FBLN1: variants seen among roughly 807,000 people sequenced by gnomAD.
FBLN1 encodes fibulin 1.
Under a neutral mutation model 89.7 loss-of-function variants are expected in FBLN1, and 34 were observed. The ratio of observed to expected loss-of-function variants is 0.38; its 90% CI spans 0.29 to 0.50. FBLN1 has a LOEUF of 0.50. Among genes scored for constraint, FBLN1 ranks in the 20% least tolerant of loss-of-function variants. The probability of loss-of-function intolerance (pLI) is 0.92; values close to 1 mark genes in which losing one functional copy is unlikely to be tolerated. For missense variants in FBLN1, 777 were observed against 988.1 expected, an observed-to-expected ratio of 0.79 and a Z score of 2.86; for synonymous variants, 393 against 391.3, an observed-to-expected ratio of 1.00 and a Z score of -0.05.
chr22:45,564,840 C>G (rs759162356), intron 14 of FBLN1: 2 of 1,612,036 alleles, frequency 1.2e-6, no homozygotes, highest in African/African-American at 2.7e-5. Context: ...GCTTATGTCA[C>G]TAGCATTTCT....
Position 45,576,933 on chromosome 22 carries a change from G to A in FBLN1, c.1841-44G>A, listed in dbSNP as rs747856008. ...GGGGACGAGGCTGGGACTGGGGCTG[G>A]GGCCAGGCTGTGCTGAGCCCTTCTC... On this transcript the variant is annotated intron_variant, in intron 15 of 16. Coordinates refer to ENST00000327858, the MANE Select transcript of FBLN1 (RefSeq NM_006486.3). This position sits in a 1 kb window ranked among gnomAD's most constrained non-coding sequence, Gnocchi z 5.2. The A allele has an allele frequency of 5.6e-6, 9 of 1,611,112 alleles. No homozygotes were observed. Among genetic ancestry groups the A allele is most frequent in the Non-Finnish European group, 4.2e-6 (5 of 1,179,870 alleles).
At position 45,570,372 on chromosome 22, in the gene FBLN1, GA is replaced by G. The variant is rs1172676478; in HGVS notation, c.1698-4132del. Among the ~76,000 whole-genome samples, 83 of 112,916 alleles carry G rather than the reference GA, an allele frequency of 7.4e-4. 1 individual carries two copies. Among genetic ancestry groups the G allele is most frequent in the African/African-American group, 2.6e-3 (79 of 30,966 alleles). 74.1% of individuals were successfully genotyped at this position (112,916 alleles called of 152,430 possible). On this transcript the variant is annotated intron_variant, in intron 14 of 16. Transcript: ENST00000327858. ...AAAGAAAAGAAAAAAAAAAGAAAAA[GA>G]AAAAAAGAAAGAAAGAAAGGAAAAT... is the stretch of plus-strand genomic sequence containing the variant.
chr22:45,560,055 C>T (rs1228986173), intron 14 of FBLN1, among the ~76,000 whole-genome samples: 1 of 152,168 alleles, frequency 6.6e-6, no homozygotes, highest in Non-Finnish European at 1.5e-5. Context: ...CAGTAGGCTT[C>T]CTATCAATTT....
At chr22:45,573,220 G>A (rs562145209) in intron 14 of FBLN1, among the ~76,000 whole-genome samples, 85 of 151,492 alleles carry the variant, frequency 5.6e-4, no homozygotes, top group Middle Eastern at 6.8e-3. Flanking sequence ...GCAAAACTCC[G>A]TCTCAAATAA....
chr22:45,516,239 A>G lies in FBLN1; in HGVS notation c.80-2443A>G, dbSNP rs1486459874. 2.0e-5 allele frequency among the ~76,000 whole-genome samples: 3 copies of G among 151,414 alleles called. No homozygotes were observed. The East Asian group carries it at 5.9e-4, about 30-fold the overall frequency. ...AGTGGGCCTGGCCAGAGAAGGGGTGAAGGGAGTGTGGGGACAGACATGGGA... is the reference window on the plus strand; with the variant it reads ...AGTGGGCCTGGCCAGAGAAGGGGTGGAGGGAGTGTGGGGACAGACATGGGA... On this transcript the variant is annotated intron_variant, in intron 1 of 16. Transcript: ENST00000327858.
chr22:45,535,275 G>T lies in FBLN1; in HGVS notation c.860G>T (p.Arg287Leu). 1 of 1,614,182 alleles carries T rather than the reference G, an allele frequency of 6.2e-7. No individual in the cohort carries two copies. The highest frequency in any genetic ancestry group is 2.2e-5 in the East Asian group (1 of 44,890). ...FICQNTLGSF[R>L]CRPKLQCKSG... ...TGTCAGAATACTCTGGGATCCTTCC[G>T]CTGCCGACCCAAGCTACAGTGCAAG... is the stretch of plus-strand genomic sequence containing the variant. Residue 287 changes from arginine (R) to leucine (L), a missense_variant, in exon 8 of 17, where the codon CGC (arginine) becomes CTC (leucine). Coordinates refer to ENST00000327858, the MANE Select transcript of FBLN1 (RefSeq NM_006486.3).
intron 14 of FBLN1, chr22:45,564,864 T>C: frequency 6.2e-7 from 1 of 1,613,464 alleles, no homozygotes; most frequent in Non-Finnish European, 8.5e-7. Flanking sequence ...GCTGTGACAC[T>C]GTGCTGACAC....
intron 14 of FBLN1, among the ~76,000 whole-genome samples, chr22:45,560,220 G>C (rs1045692572): frequency 6.6e-6 from 1 of 152,196 alleles, no homozygotes; most frequent in Admixed American, 6.5e-5. Flanking sequence ...TGCCACCTCA[G>C]GATCCAATTA....
chr22:45,516,099 A>T (rs543901830), intron 1 of FBLN1, among the ~76,000 whole-genome samples: 5 of 152,056 alleles, frequency 3.3e-5, no homozygotes, highest in African/African-American at 4.8e-5. Flanking sequence ...GGGGCACCCG[A>T]GCTATGCAGG....
rs2088241035 is a variant in FBLN1, at chr22:45,520,879, G to C, written c.185+2092G>C. Among the ~76,000 whole-genome samples the C allele has an allele frequency of 2.0e-5, 3 of 151,994 alleles. No individual in the cohort carries two copies. The South Asian group carries it at 6.2e-4, about 32-fold the overall frequency. Reference sequence around the variant, plus strand: ...TGCCCAGGCTGGGGTGCAGTATGTTGATCTTGGCTCACTGCAACCTCCGCC... The same window carrying C: ...TGCCCAGGCTGGGGTGCAGTATGTTCATCTTGGCTCACTGCAACCTCCGCC... On this transcript the variant is annotated intron_variant, in intron 2 of 16. Coordinates refer to ENST00000327858, the MANE Select transcript of FBLN1 (RefSeq NM_006486.3).
In FBLN1 at chr22:45,580,890, G is replaced by C. The variant is rs554865795; in HGVS notation, c.1972+3782G>C. Among the ~76,000 whole-genome samples, 10 of 152,364 alleles carry C rather than the reference G, an allele frequency of 6.6e-5. No individual in the cohort carries two copies. The South Asian group carries it at 2.1e-3, about 32-fold the overall frequency. On this transcript the variant is annotated intron_variant, in intron 16 of 16. Transcript: ENST00000327858. The surrounding 1 kb of genome is among the most constrained non-coding windows in gnomAD (Gnocchi z 8.6). ...ACCCGTTCTTAGCGGGGATCGAGGA[G>C]CCCGCAGCAGGGCCCGCGCCGTCGT...
intron 10 of FBLN1, among the ~76,000 whole-genome samples, chr22:45,543,079 C>A (rs2088578654): frequency 6.6e-6 from 1 of 152,096 alleles, no homozygotes; most frequent in Admixed American, 6.5e-5. Context: ...CCAGCCTGGC[C>A]AACATGACGA....
Position 45,535,217 on chromosome 22 carries a change from A to G in FBLN1, c.802A>G (p.Ser268Gly). ...TGTACCAGATATTGACGAGTGTGAGAGTGGTATTCATAACTGCCTCCCCGA... is the reference window on the plus strand; with the variant it reads ...TGTACCAGATATTGACGAGTGTGAGGGTGGTATTCATAACTGCCTCCCCGA... ...NSCKDIDECE[S>G]GIHNCLPDFI... The change falls in exon 8 of 17, where the codon AGT (serine) becomes GGT (glycine). Residue 268 changes from serine (S) to glycine (G), a missense_variant. Ser to Gly is a moderately conservative substitution (Grantham distance 56). Coordinates refer to ENST00000327858, the MANE Select transcript of FBLN1 (RefSeq NM_006486.3). 6.2e-7 allele frequency: 1 copy of G among 1,614,168 alleles called. No individual in the cohort carries two copies. Among genetic ancestry groups the G allele is most frequent in the Non-Finnish European group, 8.5e-7 (1 of 1,180,028 alleles).
chr22:45,506,425 T>C (rs1361357791), intron 1 of FBLN1, among the ~76,000 whole-genome samples: 1 of 152,218 alleles, frequency 6.6e-6, no homozygotes, highest in Non-Finnish European at 1.5e-5. Context: ...GACACTGCTC[T>C]ATAACTTGTG....
At chr22:45,596,605 C>T (rs6007100) in intron 16 of FBLN1, among the ~76,000 whole-genome samples, 43,302 of 147,914 alleles carry the variant, frequency 0.29, 9,210 homozygotes, top group African/African-American at 0.6. Context: ...AATATGATTA[C>T]TATATACATA....
chr22:45,517,540 G>A (rs2088185849), intron 1 of FBLN1: 4 of 470,670 alleles, frequency 8.5e-6, no homozygotes, highest in Admixed American at 4.7e-5. Context: ...GGTGTGGGCC[G>A]GCTGCTTGGA....
chr22:45,561,923 T>C lies in FBLN1; in HGVS notation c.1697+11308T>C, dbSNP rs1319646510. Among the ~76,000 whole-genome samples the C allele has an allele frequency of 6.6e-6, 1 of 152,136 alleles. No homozygotes were observed. The highest frequency in any genetic ancestry group is 1.5e-5 in the Non-Finnish European group (1 of 68,024). The stretch of plus-strand genomic sequence containing the variant: ...TGGGAGGCTAGGCCAGTCTCTCCTA[T>C]CACATTTTTCTGCCTGCTTATAGTC... On this transcript the variant is annotated intron_variant, in intron 14 of 16. Coordinates refer to ENST00000327858, the MANE Select transcript of FBLN1 (RefSeq NM_006486.3). The surrounding 1 kb of genome is among the most constrained non-coding windows in gnomAD (Gnocchi z 4.7).
At chr22:45,524,157 T>A (rs2146957612) in intron 2 of FBLN1, among the ~76,000 whole-genome samples, 1 of 151,980 alleles carries the variant, frequency 6.6e-6, no homozygotes, top group Admixed American at 6.6e-5. Flanking sequence ...CCAGGGAAGG[T>A]TGGGGGAAGG....
chr22:45,556,917 C>T lies in FBLN1; in HGVS notation c.1697+6302C>T, dbSNP rs2088795860. Among the ~76,000 whole-genome samples the T allele has an allele frequency of 6.6e-6, 1 of 152,108 alleles. No individual in the cohort carries two copies. Among genetic ancestry groups the T allele is most frequent in the Admixed American group, 6.6e-5 (1 of 15,262 alleles). ...ATGGTGAGTGGTGCCACTTCCATTTCCACCCTTGGATGCCTGGACCCGTGA... is the reference window on the plus strand; with the variant it reads ...ATGGTGAGTGGTGCCACTTCCATTTTCACCCTTGGATGCCTGGACCCGTGA... On this transcript the variant is annotated intron_variant, in intron 14 of 16. Transcript: ENST00000327858. The surrounding 1 kb of genome is among the most constrained non-coding windows in gnomAD (Gnocchi z 4.6).
Sources: allele counts gnomAD v4.1 joint callset (sites outside exome capture counted in the v4.1 genomes callset), GRCh38; gene constraint gnomAD v4.1.1; non-coding constraint Gnocchi (gnomAD v3.1); transcripts MANE v1.5; gene names NCBI Gene and HGNC (gene_info 2026-07-23, HGNC 2026-07-21).